Variants in NOTCH2 observed in about 807,000 individuals in gnomAD.
NOTCH2 encodes notch receptor 2, also known as neurogenic locus notch homolog protein 2.
Under a neutral mutation model 235.8 loss-of-function variants are expected in NOTCH2, and 29 were observed. That is an observed-to-expected ratio of 0.12 (90% confidence interval 0.09 to 0.17). The LOEUF (loss-of-function observed/expected upper bound fraction) is 0.17, where lower values mean the gene tolerates loss of function less well. Among genes scored for constraint, NOTCH2 ranks in the 10% least tolerant of loss-of-function variants. The pLI is 1.00. For missense variants in NOTCH2, 2,285 were observed against 3,150.2 expected (o/e 0.73, Z 6.57); for synonymous variants, 1,086 against 1,141.5 (o/e 0.95, Z 0.98).
intron 15 of NOTCH2, chr1:119,950,446 C>G: frequency 3.4e-6 from 2 of 581,992 alleles, no homozygotes; most frequent in South Asian, 3.1e-5. Flanking sequence ...AGACAACCAT[C>G]ATCTATGTGC....
chr1:119,969,192 T>A (rs782246513), intron 6 of NOTCH2, among the ~76,000 whole-genome samples: 1 of 152,270 alleles, frequency 6.6e-6, no homozygotes, highest in Non-Finnish European at 1.5e-5. Context: ...TTAGCCATTT[T>A]ATCTTAATAG....
intron 1 of NOTCH2, among the ~76,000 whole-genome samples, chr1:120,065,209 G>A (rs1655459255): frequency 6.6e-6 from 1 of 152,176 alleles, no homozygotes; most frequent in Non-Finnish European, 1.5e-5. Flanking sequence ...CAAATGTAAG[G>A]TAAGCATGAC....
intron 21 of NOTCH2, among the ~76,000 whole-genome samples, chr1:119,937,006 A>G (rs782132892): frequency 2.0e-5 from 3 of 152,104 alleles, no homozygotes; most frequent in Non-Finnish European, 4.4e-5. Flanking sequence ...GGGCCTGTAA[A>G]ATGCACTCTG....
rs993170269 is a variant in NOTCH2 at position 119,968,235 on chromosome 1, G to A, written c.1109-3C>T. 4.3e-6 allele frequency: 7 copies of A among 1,613,696 alleles called. No individual in the cohort carries two copies. In the East Asian group the frequency reaches 6.7e-5, roughly 15 times the overall value. On this transcript the variant is annotated splice_region_variant and splice_polypyrimidine_tract_variant and intron_variant, in intron 6 of 33. Coordinates refer to ENST00000256646, the MANE Select transcript of NOTCH2 (RefSeq NM_024408.4). ...ATCATCCAGATGACACAGGAGACCTGTCACAGGGTGGGGCAAAGGACAACT... is the reference window on the plus strand; with the variant it reads ...ATCATCCAGATGACACAGGAGACCTATCACAGGGTGGGGCAAAGGACAACT...
chr1:119,928,416 G>A (rs1489111632), intron 23 of NOTCH2, among the ~76,000 whole-genome samples: 1 of 152,180 alleles, frequency 6.6e-6, no homozygotes, highest in Admixed American at 6.5e-5. Flanking sequence ...AGTCCTAGGG[G>A]TGGAAAGATC....
At chr1:119,935,228 T>G in intron 22 of NOTCH2, 5 of 1,400,078 alleles carry the variant, frequency 3.6e-6, no homozygotes, top group Non-Finnish European at 3.7e-6. Flanking sequence ...CCTTCCATAT[T>G]CTGTGTTTCA....
chr1:119,942,932 G>GCACA (rs1650114126), intron 17 of NOTCH2, among the ~76,000 whole-genome samples: 1 of 149,588 alleles, frequency 6.7e-6, no homozygotes, highest in African/African-American at 2.5e-5. Context: ...GAGTGCAGTG[G>GCACA]CACAATCTTG....
chr1:119,920,115 G>C, intron 30 of NOTCH2, 114 bp downstream of exon 30: 6 of 1,134,236 alleles, frequency 5.3e-6, no homozygotes, highest in Non-Finnish European at 7.8e-6. Flanking sequence ...AGCTGATTTA[G>C]AGTCTGTGAA....
At chr1:119,968,509 G>A (rs1651238603) in intron 6 of NOTCH2, among the ~76,000 whole-genome samples, 1 of 152,218 alleles carries the variant, frequency 6.6e-6, no homozygotes, top group Non-Finnish European at 1.5e-5. Context: ...AGAAGACGGA[G>A]ACAGGAAAGT....
At chr1:120,005,172 A>G (rs1457642604) in intron 3 of NOTCH2, 157 bp downstream of exon 3, 1 of 889,746 alleles carries the variant, frequency 1.1e-6, no homozygotes, top group Non-Finnish European at 1.8e-6. Flanking sequence ...AAAGGAAGTT[A>G]GGGATAGTTG....
chr1:119,950,735 A>C lies in NOTCH2; in HGVS notation c.2468T>G (p.Leu823Arg). The C allele has an allele frequency of 1.2e-6, 2 of 1,610,382 alleles. No homozygotes were observed. The highest frequency in any genetic ancestry group is 1.7e-6 in the Non-Finnish European group (2 of 1,176,516). The change falls in exon 15 of 34, where the codon CTG (leucine) becomes CGG (arginine). Residue 823 changes from leucine (L) to arginine (R), a missense_variant. By Grantham distance (102) the Leu-to-Arg change is moderately radical. Around this residue, in one of 6 missense-constraint regions of NOTCH2, gnomAD observed 1,173 missense variants for 1,515.3 expected, o/e 0.77. Transcript: ENST00000256646. ...DISGYTCHCV[L>R]PYTGKNCQTV... ...CCTCCAGGACCCACCTGTGTATGGC[A>C]GCACACAGTGGCAAGTGTAGCCACT...
At position 119,969,521 on chromosome 1, in the gene NOTCH2, C is replaced by G. The variant is rs1553200125; in HGVS notation, c.1098G>C (p.Glu366Asp). ...CCTTCTGCTACCTACCTGCCTTCCC[C>G]TCTGGGCACATGCAAGAGAAGGAGG... ...RVASFSCMCP[E>D]GKAGLLCHLD... Residue 366 changes from glutamate (E) to aspartate (D), a missense_variant, in exon 6 of 34, where the codon GAG becomes GAC. Glu to Asp is a conservative substitution (Grantham distance 45, BLOSUM62 2). This residue lies in a region of NOTCH2 where 431 missense variants were observed against 757.8 expected (regional missense o/e 0.57). Transcript: ENST00000256646. 6.2e-7 allele frequency: 1 copy of G among 1,613,852 alleles called. No individual in the cohort carries two copies. The highest frequency in any genetic ancestry group is 8.5e-7 in the Non-Finnish European group (1 of 1,179,926).
At position 119,915,405 on chromosome 1, in the gene NOTCH2, C is replaced by G. The variant is rs1283706995; in HGVS notation, c.7317G>C (p.Val2439=). The change falls in exon 34 of 34, where the codon GTG becomes GTC. Residue 2439 remains valine, a synonymous_variant. Transcript: ENST00000256646. ...CACCCCCAGGGGTAGGGCTGGTGGT[C>G]ACATCTGACCAGTCAGAAGCAGAGT... ...SPHSASDWSD[V]TTSPTPGGAG... 1 of 1,614,164 alleles carries G rather than the reference C, an allele frequency of 6.2e-7. No individual in the cohort carries two copies.
At chr1:120,053,636 T>G (rs1655045689) in intron 1 of NOTCH2, among the ~76,000 whole-genome samples, 1 of 140,052 alleles carries the variant, frequency 7.1e-6, no homozygotes, top group South Asian at 2.3e-4. Context: ...AATAGTACTT[T>G]TAGTCTACTC....
rs1164367887 is a variant in NOTCH2 at position 119,963,778 on chromosome 1, T to G, written c.1711A>C (p.Ile571Leu). Residue 571 changes from isoleucine to leucine, a missense_variant, in exon 11 of 34, where the codon ATT (isoleucine) becomes CTT (leucine). Physicochemically the swap from Ile to Leu is conservative, Grantham distance 5. Coordinates refer to ENST00000256646, the MANE Select transcript of NOTCH2 (RefSeq NM_024408.4). ...CAAGGATCGGGGTCACAGTTGTCAATGTTCTCCTCACACAACACACCAGTG... is the reference window on the plus strand; with the variant it reads ...CAAGGATCGGGGTCACAGTTGTCAAGGTTCTCCTCACACAACACACCAGTG... ...GFTGVLCEEN[I>L]DNCDPDPCHH... is the part of the protein sequence containing the mutation. 1 of 1,614,112 alleles carries G rather than the reference T, an allele frequency of 6.2e-7. No individual in the cohort carries two copies. Among genetic ancestry groups the G allele is most frequent in the Non-Finnish European group, 8.5e-7 (1 of 1,179,980 alleles).
intron 14 of NOTCH2, 46 bp downstream of exon 14, chr1:119,953,497 C>T (rs1553198043): frequency 1.9e-6 from 3 of 1,607,450 alleles, no homozygotes; most frequent in Non-Finnish European, 2.6e-6. Context: ...TATGCAACAA[C>T]AAGAAGACAA....
chr1:119,938,043 A>G, intron 19 of NOTCH2, 33 bp from the exon 20 acceptor site: 1 of 1,608,164 alleles, frequency 6.2e-7, no homozygotes, highest in Non-Finnish European at 8.5e-7. Context: ...CATACATCAA[A>G]ATTCAAATAC....
At chr1:119,924,086 C>T (rs374719946) in intron 25 of NOTCH2, 102 bp from the exon 26 acceptor site, 1 of 1,004,636 alleles carries the variant, frequency 1.0e-6, no homozygotes, top group Non-Finnish European at 1.5e-6. Flanking sequence ...TACCCATTTT[C>T]TGTGGCCCAC....
intron 2 of NOTCH2, among the ~76,000 whole-genome samples, chr1:120,006,830 T>C (rs1481272330): frequency 6.6e-6 from 1 of 152,202 alleles, no homozygotes; most frequent in Non-Finnish European, 1.5e-5. Flanking sequence ...ACTGGGGTCA[T>C]GAGTGCTTTT....
Sources: gnomAD v4.1 joint callset for allele counts (sites outside exome capture counted in the v4.1 genomes callset) on GRCh38, gnomAD v4.1.1 for gene constraint, gnomAD v4.1.1 regional missense constraint, MANE v1.5 for transcripts, NCBI Gene and HGNC (gene_info 2026-07-23, HGNC 2026-07-21) for gene names.